MYRIP: variants seen among roughly 807,000 people sequenced by gnomAD.
MYRIP encodes the protein rab effector MyRIP.
MYRIP carries 49 observed loss-of-function variants against 98.0 expected under a neutral mutation model. That is an observed-to-expected ratio of 0.50 (90% confidence interval 0.40 to 0.63). The LOEUF (loss-of-function observed/expected upper bound fraction) is 0.63, where lower values mean the gene tolerates loss of function less well. Among genes scored for constraint, MYRIP ranks in the 30% least tolerant of loss-of-function variants. The pLI is 0.00. For missense variants in MYRIP, 1,004 were observed against 1,058.2 expected, an observed-to-expected ratio of 0.95 and a Z score of 0.71; for synonymous variants, 404 against 409.5, an observed-to-expected ratio of 0.99 and a Z score of 0.16.
rs879437018 is a variant in MYRIP, at chr3:39,917,473, TA to T, written c.110+16559del. On this transcript the variant is annotated intron_variant, in intron 2 of 16. Transcript: ENST00000302541. ...AAAAAAAATAAAAAAATAGGAAAAT[TA>T]AAAAAAAAAAAGCTGTTGAAACTTC... 2.5e-3 allele frequency among the ~76,000 whole-genome samples: 104 copies of T among 42,306 alleles called. 1 individual carries two copies. In the Middle Eastern group the frequency reaches 0.064, roughly 26 times the overall value. The allele number at this position is 42,306 out of a possible 152,430, so 27.8% of individuals were successfully genotyped here. A position where few individuals can be genotyped will look rare whatever the true frequency, so the allele number is the denominator to read the frequency against.
At chr3:40,043,324 T>G (rs1444428499) in intron 2 of MYRIP, among the ~76,000 whole-genome samples, 1 of 152,170 alleles carries the variant, frequency 6.6e-6, no homozygotes, top group East Asian at 1.9e-4. Flanking sequence ...AACTCAAACC[T>G]GCTGATTCAG....
At chr3:39,900,072 C>T (rs1406103328) in intron 1 of MYRIP, among the ~76,000 whole-genome samples, 7 of 152,172 alleles carry the variant, frequency 4.6e-5, no homozygotes, top group Admixed American at 1.3e-4. Context: ...CTGCCCACTT[C>T]GGCCTCCCAA....
chr3:39,815,286 A>G (rs545841454), intron 1 of MYRIP, among the ~76,000 whole-genome samples: 28 of 152,256 alleles, frequency 1.8e-4, no homozygotes, highest in African/African-American at 6.0e-4. Context: ...ATAATACAGT[A>G]TGTGGCATTT....
At chr3:39,960,667 G>A (rs1220227973) in intron 2 of MYRIP, among the ~76,000 whole-genome samples, 1 of 152,134 alleles carries the variant, frequency 6.6e-6, no homozygotes, top group African/African-American at 2.4e-5. Flanking sequence ...ACATATATGT[G>A]TTGTGTATTT....
At chr3:39,876,377 T>C (rs1397057962) in intron 1 of MYRIP, among the ~76,000 whole-genome samples, 1 of 152,252 alleles carries the variant, frequency 6.6e-6, no homozygotes, top group Admixed American at 6.5e-5. Context: ...AATTTGATCC[T>C]GTCATTATGA....
intron 2 of MYRIP, among the ~76,000 whole-genome samples, chr3:39,954,854 G>A (rs888001175): frequency 2.0e-5 from 3 of 152,148 alleles, no homozygotes; most frequent in African/African-American, 7.2e-5. Context: ...TGAAACCCAT[G>A]GCACGAGAAC....
intron 4 of MYRIP, among the ~76,000 whole-genome samples, chr3:40,157,949 C>A (rs147309385): frequency 0.087 from 13,200 of 152,174 alleles, 1,198 homozygotes; most frequent in African/African-American, 0.22. Context: ...AAAACCAGCT[C>A]CTGGATTCAT....
At chr3:40,082,339 T>A (rs1346604704) in intron 3 of MYRIP, among the ~76,000 whole-genome samples, 1 of 152,242 alleles carries the variant, frequency 6.6e-6, no homozygotes, top group Non-Finnish European at 1.5e-5. Flanking sequence ...AGATATGGAA[T>A]CAGCCTGGCA....
At chr3:39,979,064 A>G (rs13085835) in intron 2 of MYRIP, among the ~76,000 whole-genome samples, 40,197 of 151,798 alleles carry the variant, frequency 0.26, 6,195 homozygotes, top group Non-Finnish European at 0.35. Context: ...AAAAGGAAAA[A>G]CTCAGCTCTG....
intron 3 of MYRIP, among the ~76,000 whole-genome samples, chr3:40,129,102 T>C (rs911117887): frequency 4.0e-5 from 6 of 151,890 alleles, no homozygotes; most frequent in African/African-American, 1.5e-4. Flanking sequence ...CTACTCTGTC[T>C]CTTGTCCTAC....
intron 1 of MYRIP, among the ~76,000 whole-genome samples, chr3:39,860,185 C>G (rs1942428670): frequency 1.3e-5 from 2 of 152,298 alleles, no homozygotes; most frequent in Middle Eastern, 3.4e-3. Flanking sequence ...ATTCCTGGTC[C>G]TGAATGACTC....
At chr3:40,125,723 TAGG>T (rs1949514106) in intron 3 of MYRIP, among the ~76,000 whole-genome samples, 1 of 152,200 alleles carries the variant, frequency 6.6e-6, no homozygotes, top group African/African-American at 2.4e-5. Context: ...ATAGAGGGCC[TAGG>T]AGCAGCTGCG....
chr3:40,029,738 A>C (rs1406431822), intron 2 of MYRIP, among the ~76,000 whole-genome samples: 1 of 152,114 alleles, frequency 6.6e-6, no homozygotes, highest in African/African-American at 2.4e-5. Context: ...CCCTTACAAC[A>C]CACCAGTAAA....
intron 1 of MYRIP, among the ~76,000 whole-genome samples, chr3:39,856,888 G>T (rs1942312400): frequency 6.6e-6 from 1 of 152,234 alleles, no homozygotes; most frequent in African/African-American, 2.4e-5. Flanking sequence ...AAGCAGCAAA[G>T]GAAATGAACA....
At chr3:40,052,498 A>C (rs1216830778) in intron 3 of MYRIP, among the ~76,000 whole-genome samples, 1 of 152,190 alleles carries the variant, frequency 6.6e-6, no homozygotes, top group Non-Finnish European at 1.5e-5. Context: ...ATTGAACCTC[A>C]TTAGAAATCA....
rs188571133 is a variant in MYRIP at position 40,213,068 on chromosome 3, C to T, written c.1905+2975C>T. ...CTGCTTACTCTACCTCACCTCCTAA[C>T]TGGTCTCCTGACCCTGCAGGCCCTT... On this transcript the variant is annotated intron_variant, in intron 11 of 16. Coordinates refer to ENST00000302541, the MANE Select transcript of MYRIP (RefSeq NM_015460.4). Among the ~76,000 whole-genome samples the T allele has an allele frequency of 6.3e-3, 956 of 152,356 alleles. 8 individuals are homozygous for T. Among genetic ancestry groups the T allele is most frequent in the Non-Finnish European group, 0.01 (694 of 68,032 alleles).
At chr3:39,955,189 T>C (rs777822451) in intron 2 of MYRIP, among the ~76,000 whole-genome samples, 1 of 152,052 alleles carries the variant, frequency 6.6e-6, no homozygotes, top group African/African-American at 2.4e-5. Context: ...ACAAAGATAC[T>C]CCTCGAGAAG....
At chr3:40,220,141 A>G (rs1952291526) in intron 11 of MYRIP, among the ~76,000 whole-genome samples, 1 of 151,774 alleles carries the variant, frequency 6.6e-6, no homozygotes, top group Non-Finnish European at 1.5e-5. Context: ...TTCTTTTGAG[A>G]AGTGTCTGTT....
chr3:40,183,136 A>C (rs1049108198), intron 9 of MYRIP, among the ~76,000 whole-genome samples: 8 of 152,212 alleles, frequency 5.3e-5, no homozygotes, highest in Admixed American at 3.9e-4. Context: ...CAGCACGGAG[A>C]GCTCACGCCA....
Sources: allele counts gnomAD v4.1 joint callset (sites outside exome capture counted in the v4.1 genomes callset), GRCh38; gene constraint gnomAD v4.1.1; transcripts MANE v1.5; gene names NCBI Gene and HGNC (gene_info 2026-07-23, HGNC 2026-07-21).